Variants in ATG10 observed in about 807,000 individuals in gnomAD.
ATG10 encodes ubiquitin-like-conjugating enzyme ATG10.
In ATG10, 30 loss-of-function variants were observed where a neutral mutation model predicts 32.1. That is an observed-to-expected ratio of 0.94 (90% CI 0.70 to 1.27). The LOEUF (loss-of-function observed/expected upper bound fraction) is 1.27. Among genes scored for constraint, ATG10 ranks in the 50% most tolerant of loss-of-function variants. The probability of loss-of-function intolerance (pLI) is 0.00; values close to 1 mark genes in which losing one functional copy is unlikely to be tolerated. For missense variants in ATG10, 233 were observed against 262.3 expected, an observed-to-expected ratio of 0.89 and a Z score of 0.77; for synonymous variants, 87 against 91.5, an observed-to-expected ratio of 0.95 and a Z score of 0.28.
intron 3 of ATG10, among the ~76,000 whole-genome samples, chr5:82,088,003 G>A (rs2149790009): frequency 6.6e-6 from 1 of 152,150 alleles, no homozygotes. Context: ...ACAAAAATAA[G>A]GAAGCAAAGA....
At chr5:82,231,014 C>G (rs1023365027) in intron 5 of ATG10, among the ~76,000 whole-genome samples, 1 of 152,038 alleles carries the variant, frequency 6.6e-6, no homozygotes, top group African/African-American at 2.4e-5. Context: ...CTTTAAGAGG[C>G]CCTAGTCTGA....
At chr5:82,125,649 A>C (rs1368015671) in intron 3 of ATG10, among the ~76,000 whole-genome samples, 2 of 152,080 alleles carry the variant, frequency 1.3e-5, no homozygotes, top group Admixed American at 6.6e-5. Flanking sequence ...GTTTTGATAC[A>C]AGTACCATAC....
intron 4 of ATG10, among the ~76,000 whole-genome samples, chr5:82,172,545 G>T (rs1316423648): frequency 6.6e-6 from 1 of 152,114 alleles, no homozygotes; most frequent in African/African-American, 2.4e-5. Context: ...AAATTAGAAG[G>T]TAGTAACTAT....
Position 82,235,299 on chromosome 5 carries a change from T to C in ATG10, c.454-17263T>C, listed in dbSNP as rs564411843. On this transcript the variant is annotated intron_variant, in intron 5 of 7. Coordinates refer to ENST00000282185, the MANE Select transcript of ATG10 (RefSeq NM_031482.5). ...AGTTGATCACAGATTTGGAGTGGGT[T>C]CCAGGAAATGACATGGTCAACAAGC... 1.1e-3 allele frequency among the ~76,000 whole-genome samples: 174 copies of C among 152,278 alleles called. 2 individuals carry two copies. The highest frequency in any genetic ancestry group is 2.2e-3 in the Admixed American group (34 of 15,292).
intron 1 of ATG10, among the ~76,000 whole-genome samples, chr5:81,977,000 C>G (rs1760891832): frequency 6.6e-6 from 1 of 152,126 alleles, no homozygotes; most frequent in Non-Finnish European, 1.5e-5. Flanking sequence ...CTCAGCCTCC[C>G]AAGTAGCTGG....
intron 5 of ATG10, among the ~76,000 whole-genome samples, chr5:82,240,173 A>G (rs1252231588): frequency 1.3e-5 from 2 of 152,242 alleles, no homozygotes; most frequent in Non-Finnish European, 2.9e-5. Context: ...TGCTGGGTAT[A>G]TATCCAAAAG....
At chr5:82,097,613 A>C (rs1765112131) in intron 3 of ATG10, among the ~76,000 whole-genome samples, 1 of 152,196 alleles carries the variant, frequency 6.6e-6, no homozygotes, top group South Asian at 2.1e-4. Flanking sequence ...TAGGTATTAA[A>C]AGTAATGGCA....
intron 3 of ATG10, among the ~76,000 whole-genome samples, chr5:82,157,362 G>A (rs1303555854): frequency 1.3e-5 from 2 of 152,124 alleles, no homozygotes; most frequent in African/African-American, 4.8e-5. Context: ...TGCCTTGGAT[G>A]CTGTTAGACA....
intron 5 of ATG10, among the ~76,000 whole-genome samples, chr5:82,235,009 T>C (rs1746500469): frequency 6.6e-6 from 1 of 152,246 alleles, no homozygotes; most frequent in South Asian, 2.1e-4. Context: ...TTCTTCTCTC[T>C]GCTTTCCTGG....
chr5:82,091,408 C>T lies in ATG10; in HGVS notation c.216+32806C>T, dbSNP rs545203051. ...TTTTTAGCTTTTTTCCTCTCCAATT[C>T]AGTGGCTTCATGATACTCATAGGGG... is the stretch of plus-strand genomic sequence containing the variant. On this transcript the variant is annotated intron_variant, in intron 3 of 7. Transcript: ENST00000282185. Among the ~76,000 whole-genome samples, 3 of 152,100 alleles carry T rather than the reference C, an allele frequency of 2.0e-5. No homozygotes were observed. In the East Asian group the frequency reaches 5.8e-4, roughly 29 times the overall value.
At chr5:82,235,346 T>C (rs1746513618) in intron 5 of ATG10, among the ~76,000 whole-genome samples, 2 of 152,176 alleles carry the variant, frequency 1.3e-5, no homozygotes, top group Non-Finnish European at 2.9e-5. Context: ...ATTCTGATGG[T>C]CCTGGGATCA....
chr5:82,242,196 A>G (rs144775394), intron 5 of ATG10, among the ~76,000 whole-genome samples: 1 of 152,290 alleles, frequency 6.6e-6, no homozygotes, highest in East Asian at 1.9e-4. Flanking sequence ...CGACTATGGA[A>G]AATGATCAGC....
At chr5:82,203,011 T>C (rs1172146249) in intron 5 of ATG10, among the ~76,000 whole-genome samples, 2 of 152,108 alleles carry the variant, frequency 1.3e-5, no homozygotes. Context: ...ATGGATCACC[T>C]GAGGTCAGGA....
chr5:82,011,122 T>C (rs1561253139), intron 2 of ATG10, among the ~76,000 whole-genome samples: 1 of 152,178 alleles, frequency 6.6e-6, no homozygotes, highest in African/African-American at 2.4e-5. Flanking sequence ...GGATTAAAGT[T>C]CTATAAATCT....
intron 3 of ATG10, among the ~76,000 whole-genome samples, chr5:82,132,816 C>T (rs904620396): frequency 1.3e-5 from 2 of 152,144 alleles, no homozygotes; most frequent in Non-Finnish European, 2.9e-5. Flanking sequence ...AATCACCGCA[C>T]TGTCTTTGAC....
At chr5:82,013,313 T>TA (rs1181492010) in intron 2 of ATG10, among the ~76,000 whole-genome samples, 3 of 152,208 alleles carry the variant, frequency 2.0e-5, no homozygotes, top group East Asian at 3.8e-4. Flanking sequence ...AGTGAGAACA[T>TA]ACGATGTTTG....
At chr5:82,086,991 A>T (rs1412563123) in intron 3 of ATG10, among the ~76,000 whole-genome samples, 1 of 152,184 alleles carries the variant, frequency 6.6e-6, no homozygotes, top group Non-Finnish European at 1.5e-5. Context: ...AATGAGAAAA[A>T]TGTCTTTTCA....
intron 3 of ATG10, among the ~76,000 whole-genome samples, chr5:82,146,566 T>C (rs1767368170): frequency 6.6e-6 from 1 of 151,850 alleles, no homozygotes; most frequent in Admixed American, 6.5e-5. Flanking sequence ...ATGTCTGATG[T>C]TCTGAAATTG....
chr5:82,216,030 C>T (rs965182204), intron 5 of ATG10, among the ~76,000 whole-genome samples: 7 of 151,974 alleles, frequency 4.6e-5, no homozygotes, highest in African/African-American at 1.7e-4. Context: ...TTGCAGCAGG[C>T]TTAATCAATG....
Sources: gnomAD v4.1 joint callset for allele counts (sites outside exome capture counted in the v4.1 genomes callset) on GRCh38, gnomAD v4.1.1 for gene constraint, MANE v1.5 for transcripts, NCBI Gene and HGNC (gene_info 2026-07-23, HGNC 2026-07-21) for gene names.